Variants in PEBP4 observed in about 807,000 individuals in gnomAD.
PEBP4 encodes the protein phosphatidylethanolamine binding protein 4.
In PEBP4, 22 loss-of-function variants were observed where a neutral mutation model predicts 23.9. The ratio of observed to expected loss-of-function variants is 0.92; its 90% CI spans 0.66 to 1.31. PEBP4 has a LOEUF of 1.31. Ranked by LOEUF, PEBP4 falls within the 40% of genes most tolerant of loss-of-function variation. The pLI is 0.00. For synonymous variants in PEBP4, 112 were observed against 99.3 expected, an observed-to-expected ratio of 1.13 and a Z score of -0.76; for missense variants, 324 against 281.7, an observed-to-expected ratio of 1.15 and a Z score of -1.07.
At chr8:22,859,012 T>C (rs918136624) in intron 3 of PEBP4, among the ~76,000 whole-genome samples, 6 of 152,224 alleles carry the variant, frequency 3.9e-5, no homozygotes, top group Non-Finnish European at 2.9e-5. Context: ...TGGTTTGGAC[T>C]CCATTTAGAA....
chr8:22,805,512 G>A (rs1319044826), intron 4 of PEBP4, among the ~76,000 whole-genome samples: 1 of 152,160 alleles, frequency 6.6e-6, no homozygotes, highest in Non-Finnish European at 1.5e-5. Context: ...TTTTAATAGA[G>A]ACAGAGTTTC....
At chr8:22,830,290 T>A (rs1807058763) in intron 3 of PEBP4, among the ~76,000 whole-genome samples, 1 of 150,360 alleles carries the variant, frequency 6.7e-6, no homozygotes, top group South Asian at 2.1e-4. Flanking sequence ...CCACCACGCC[T>A]GGCTAATTTT....
chr8:22,870,695 G>T (rs1465925976), intron 3 of PEBP4, among the ~76,000 whole-genome samples: 1 of 152,194 alleles, frequency 6.6e-6, no homozygotes, highest in Non-Finnish European at 1.5e-5. Flanking sequence ...GGAGGAGTCA[G>T]GGGTGTATGT....
chr8:22,927,912 A>G lies in PEBP4; in HGVS notation c.-96T>C. 1 of 594,074 alleles carries G rather than the reference A, an allele frequency of 1.7e-6. No homozygotes were observed. The highest frequency in any genetic ancestry group is 2.3e-5 in the South Asian group (1 of 43,588). 36.8% of individuals were successfully genotyped at this position (594,074 alleles called of 1,614,324 possible). A position where few individuals can be genotyped will look rare whatever the true frequency, so the allele number is the denominator to read the frequency against. ...ACCCGGACACAAGTACTTTGGGAGG[A>G]CTGGGCCTCTTCCAAGTTGGACTCA... On this transcript the variant is annotated 5_prime_UTR_variant, in exon 1 of 7. Coordinates refer to ENST00000256404, the MANE Select transcript of PEBP4 (RefSeq NM_144962.3).
intron 4 of PEBP4, among the ~76,000 whole-genome samples, chr8:22,781,946 C>A (rs957602509): frequency 6.6e-6 from 1 of 152,214 alleles, no homozygotes; most frequent in Non-Finnish European, 1.5e-5. Flanking sequence ...ACTCTGCCAC[C>A]GTTCCCCAGG....
chr8:22,721,268 C>A (rs1002483736), intron 6 of PEBP4, among the ~76,000 whole-genome samples: 2 of 152,162 alleles, frequency 1.3e-5, no homozygotes, highest in Non-Finnish European at 2.9e-5. Flanking sequence ...ACTAGTCTAA[C>A]CCTGTATCTT....
chr8:22,718,653 C>T (rs999363640), intron 6 of PEBP4, among the ~76,000 whole-genome samples: 4 of 152,062 alleles, frequency 2.6e-5, no homozygotes, highest in African/African-American at 9.7e-5. Context: ...AGAGCGCCTC[C>T]TGCCACAAGC....
intron 4 of PEBP4, among the ~76,000 whole-genome samples, chr8:22,751,305 G>C (rs1298026755): frequency 6.6e-6 from 1 of 152,102 alleles, no homozygotes; most frequent in Non-Finnish European, 1.5e-5. Flanking sequence ...AGACCCGTGA[G>C]CTCTAGGGCT....
chr8:22,724,362 G>A (rs1385926381), intron 6 of PEBP4, among the ~76,000 whole-genome samples: 2 of 152,172 alleles, frequency 1.3e-5, no homozygotes, highest in Non-Finnish European at 2.9e-5. Flanking sequence ...GAGGGGGGAT[G>A]GTGGGGGACA....
At chr8:22,746,736 C>T (rs1805128000) in intron 4 of PEBP4, among the ~76,000 whole-genome samples, 1 of 152,166 alleles carries the variant, frequency 6.6e-6, no homozygotes, top group Admixed American at 6.5e-5. Flanking sequence ...CCCAATCTGC[C>T]TCCCTCCAGA....
intron 4 of PEBP4, among the ~76,000 whole-genome samples, chr8:22,805,463 A>T (rs1806475809): frequency 6.6e-6 from 1 of 152,180 alleles, no homozygotes. Flanking sequence ...AGTAGCTGGG[A>T]TTACAGGCAT....
chr8:22,938,859 A>G (rs1004939869), intron 1 of PEBP4, among the ~76,000 whole-genome samples: 1 of 152,236 alleles, frequency 6.6e-6, no homozygotes, highest in Non-Finnish European at 1.5e-5. Context: ...AGCACTATGA[A>G]CATAGCAGAT....
At chr8:22,921,088 G>C (rs1411857953) in intron 2 of PEBP4, among the ~76,000 whole-genome samples, 2 of 152,244 alleles carry the variant, frequency 1.3e-5, no homozygotes, top group African/African-American at 4.8e-5. Context: ...GCCGGGCTGG[G>C]CCATGACAGC....
intron 4 of PEBP4, among the ~76,000 whole-genome samples, chr8:22,814,091 C>A (rs1184517514): frequency 6.6e-6 from 1 of 152,178 alleles, no homozygotes; most frequent in Non-Finnish European, 1.5e-5. Flanking sequence ...GGGTATTGTT[C>A]TGAGCACTAT....
intron 3 of PEBP4, among the ~76,000 whole-genome samples, chr8:22,824,974 C>A (rs977692518): frequency 6.6e-6 from 1 of 152,156 alleles, no homozygotes; most frequent in Admixed American, 6.5e-5. Context: ...CATTGCAGGG[C>A]ACTGTTGCAG....
At chr8:22,896,608 G>C (rs1341299052) in intron 3 of PEBP4, among the ~76,000 whole-genome samples, 1 of 152,168 alleles carries the variant, frequency 6.6e-6, no homozygotes, top group Non-Finnish European at 1.5e-5. Flanking sequence ...TACCCCAGCA[G>C]TCCTTGGCCT....
chr8:22,788,053 G>A (rs1806063234), intron 4 of PEBP4, among the ~76,000 whole-genome samples: 1 of 152,112 alleles, frequency 6.6e-6, no homozygotes, highest in Non-Finnish European at 1.5e-5. Context: ...GAGGCTTCAG[G>A]GATGCACGGG....
intron 1 of PEBP4, among the ~76,000 whole-genome samples, chr8:22,933,619 C>T (rs578034897): frequency 2.0e-5 from 3 of 152,150 alleles, no homozygotes; most frequent in Non-Finnish European, 2.9e-5. Context: ...CCCAGATAAA[C>T]AAAAGCTTAG....
At chr8:22,779,004 G>C (rs1173059536) in intron 4 of PEBP4, among the ~76,000 whole-genome samples, 2 of 151,416 alleles carry the variant, frequency 1.3e-5, no homozygotes, top group African/African-American at 4.9e-5. Flanking sequence ...GGCTGCATGG[G>C]AGGCGGTGAC....
Sources: allele counts gnomAD v4.1 joint callset (sites outside exome capture counted in the v4.1 genomes callset), GRCh38; gene constraint gnomAD v4.1.1; transcripts MANE v1.5; gene names NCBI Gene and HGNC (gene_info 2026-07-23, HGNC 2026-07-21).